The following DLG1 variants were observed in gnomAD, a reference collection of about 807,000 sequenced individuals.
The protein encoded by DLG1 is discs large MAGUK scaffold protein 1, also known as disks large homolog 1.
DLG1 carries 42 observed loss-of-function variants against 123.4 expected under a neutral mutation model. The observed-to-expected ratio is 0.34, with a 90% CI of 0.27 to 0.44. DLG1 has a LOEUF of 0.44. DLG1 is among the 20% of genes least tolerant of loss of function. DLG1 has a pLI of 1.00. For missense variants in DLG1, 942 were observed against 1,082.6 expected (o/e 0.87, Z 1.82); for synonymous variants, 317 against 356.2 (o/e 0.89, Z 1.24).
At chr3:197,164,667 C>T (rs975614060) in intron 5 of DLG1, among the ~76,000 whole-genome samples, 2 of 150,138 alleles carry the variant, frequency 1.3e-5, no homozygotes, top group African/African-American at 2.5e-5. Context: ...TTTCGGAGGA[C>T]GCGGCAGGCA....
chr3:197,127,489 T>TATATATATAC (rs1780282627), intron 11 of DLG1, among the ~76,000 whole-genome samples: 1 of 52,928 alleles, frequency 1.9e-5, no homozygotes, highest in Non-Finnish European at 3.6e-5. Context: ...TATATATATA[T>TATATATATAC]ATATATAAAG....
At position 197,158,634 on chromosome 3, in the gene DLG1, CAAAAAAAAA is replaced by C. The variant is rs71623339; in HGVS notation, c.484-8847_484-8839del. 1.2e-4 allele frequency among the ~76,000 whole-genome samples: 8 copies of C among 67,490 alleles called. 1 individual carries two copies. The highest frequency in any genetic ancestry group is 6.2e-4 in the Admixed American group (3 of 4,870). The allele number at this position is 67,490 out of a possible 152,430, so 44.3% of individuals were successfully genotyped here. A position where few individuals can be genotyped will look rare whatever the true frequency, so the allele number is the denominator to read the frequency against. ...GGGTAACAAGAGCAAAACTCCATTT[CAAAAAAAAA>C]AAAAAAAAAAAAAAGCCCAGAGGCA... On this transcript the variant is annotated intron_variant, in intron 5 of 24. Transcript: ENST00000667157.
chr3:197,274,145 A>G (rs1765278032), intron 4 of DLG1, among the ~76,000 whole-genome samples: 1 of 152,232 alleles, frequency 6.6e-6, no homozygotes, highest in African/African-American at 2.4e-5. Context: ...CCGAATACCC[A>G]GAACAATCCT....
At position 197,075,333 on chromosome 3, in the gene DLG1, A is replaced by G. The variant is rs566160984; in HGVS notation, c.2005+1253T>C. On this transcript the variant is annotated intron_variant, in intron 18 of 24. Transcript: ENST00000667157. Reference sequence around the variant, plus strand: ...TAACTTTCTCAAAAAAAAAAAAAAAAAAAAAAAAGAGATACACAACCTATC... The same window carrying G: ...TAACTTTCTCAAAAAAAAAAAAAAAGAAAAAAAAGAGATACACAACCTATC... Among the ~76,000 whole-genome samples the G allele has an allele frequency of 3.6e-3, 533 of 146,204 alleles. 15 individuals carry two copies. In the East Asian group the frequency reaches 0.063, roughly 17 times the overall value.
intron 23 of DLG1, among the ~76,000 whole-genome samples, chr3:197,055,941 G>A (rs1008416024): frequency 2.6e-5 from 4 of 152,164 alleles, no homozygotes; most frequent in African/African-American, 9.7e-5. Flanking sequence ...CCTGCTATTT[G>A]GAGGACAGAA....
rs1231126576 is a variant in DLG1, at chr3:197,237,098, G to GA, written c.319-42510dup. On this transcript the variant is annotated intron_variant, in intron 4 of 24. Coordinates refer to ENST00000667157, the MANE Select transcript of DLG1 (RefSeq NM_001366207.1). Reference sequence around the variant, plus strand: ...ACAATGGCTTGTACCATAACAACTAGAAAAAAAAGATAAACATATCTTTTA... The same window carrying GA: ...ACAATGGCTTGTACCATAACAACTAGAAAAAAAAAGATAAACATATCTTTTA... Among the ~76,000 whole-genome samples the GA allele has an allele frequency of 5.3e-5, 8 of 151,640 alleles. No homozygotes were observed. In the East Asian group the frequency reaches 1.4e-3, roughly 26 times the overall value.
At chr3:197,187,824 G>A (rs1716981513) in intron 5 of DLG1, among the ~76,000 whole-genome samples, 1 of 152,096 alleles carries the variant, frequency 6.6e-6, no homozygotes, top group Non-Finnish European at 1.5e-5. Context: ...TTTACCCACT[G>A]TGTCCTTCTC....
At chr3:197,277,957 T>G (rs572413929) in intron 4 of DLG1, among the ~76,000 whole-genome samples, 2 of 151,300 alleles carry the variant, frequency 1.3e-5, no homozygotes, top group African/African-American at 4.9e-5. Context: ...CTAGGCAACA[T>G]AGTGAGACCC....
chr3:197,096,181 T>A (rs1403354004), intron 14 of DLG1, among the ~76,000 whole-genome samples: 1 of 152,210 alleles, frequency 6.6e-6, no homozygotes, highest in Non-Finnish European at 1.5e-5. Context: ...TACATCTGTA[T>A]CAATGGAAAA....
At chr3:197,052,324 G>T (rs1022054429) in intron 23 of DLG1, among the ~76,000 whole-genome samples, 1 of 151,678 alleles carries the variant, frequency 6.6e-6, no homozygotes. Flanking sequence ...GTGTGGTGGC[G>T]CATGCCTGTA....
chr3:197,097,889 T>C (rs1388233247), intron 14 of DLG1, among the ~76,000 whole-genome samples: 6 of 152,146 alleles, frequency 3.9e-5, no homozygotes, highest in African/African-American at 9.7e-5. Flanking sequence ...CCTCTTTTTG[T>C]ATTTTCTGTT....
intron 14 of DLG1, among the ~76,000 whole-genome samples, chr3:197,097,155 A>C (rs1380161976): frequency 6.6e-6 from 1 of 152,164 alleles, no homozygotes; most frequent in Non-Finnish European, 1.5e-5. Context: ...GTTCTTCCTT[A>C]GTGTGGGGCT....
intron 5 of DLG1, among the ~76,000 whole-genome samples, chr3:197,185,300 A>C (rs1024289760): frequency 6.6e-6 from 1 of 152,214 alleles, no homozygotes; most frequent in Non-Finnish European, 1.5e-5. Context: ...GTTGAGGTCC[A>C]CTGCAAATCT....
intron 5 of DLG1, among the ~76,000 whole-genome samples, chr3:197,157,388 T>C (rs182376144): frequency 6.2e-4 from 94 of 152,290 alleles, no homozygotes; most frequent in Non-Finnish European, 1.0e-3. Context: ...CACTGAACAA[T>C]CTAAAATGGA....
intron 7 of DLG1, among the ~76,000 whole-genome samples, chr3:197,140,856 C>A (rs1051863258): frequency 6.6e-6 from 1 of 152,206 alleles, no homozygotes; most frequent in Non-Finnish European, 1.5e-5. Flanking sequence ...TTGTTTCACA[C>A]TGACTGAAAG....
intron 4 of DLG1, among the ~76,000 whole-genome samples, chr3:197,233,085 G>C (rs1462651507): frequency 6.6e-6 from 1 of 152,082 alleles, no homozygotes; most frequent in African/African-American, 2.4e-5. Flanking sequence ...GGAATCGTCA[G>C]AAAACTTAAA....
intron 1 of DLG1, chr3:197,298,019 C>G (rs959565221): frequency 1.6e-5 from 12 of 771,212 alleles, no homozygotes; most frequent in African/African-American, 1.9e-5. Flanking sequence ...CTCGCCGCGG[C>G]CCCCCGGCCC....
At chr3:197,194,807 G>A (rs1328735387) in intron 4 of DLG1, among the ~76,000 whole-genome samples, 1 of 152,080 alleles carries the variant, frequency 6.6e-6, no homozygotes, top group Non-Finnish European at 1.5e-5. Flanking sequence ...AAAGCTAGGT[G>A]ACAAGAGAAG....
chr3:197,061,904 T>C lies in DLG1; in HGVS notation c.2374-1906A>G, dbSNP rs967569734. On this transcript the variant is annotated intron_variant, in intron 22 of 24. Coordinates refer to ENST00000667157, the MANE Select transcript of DLG1 (RefSeq NM_001366207.1). ...TGATAAGTATTTTGGGGGAGGACAC[T>C]TTGAGACTATATAAATATCCCTTTT... 5.3e-5 allele frequency among the ~76,000 whole-genome samples: 8 copies of C among 152,360 alleles called. No individual in the cohort carries two copies. The East Asian group carries it at 1.2e-3, about 22-fold the overall frequency.
Sources: allele counts gnomAD v4.1 joint callset (sites outside exome capture counted in the v4.1 genomes callset), GRCh38; gene constraint gnomAD v4.1.1; transcripts MANE v1.5; gene names NCBI Gene and HGNC (gene_info 2026-07-23, HGNC 2026-07-21).